SOD1: variants seen among roughly 807,000 people sequenced by gnomAD.
The protein encoded by SOD1 is superoxide dismutase [Cu-Zn].
Under a neutral mutation model 15.9 loss-of-function variants are expected in SOD1, and 8 were observed. That is an observed-to-expected ratio of 0.50 (90% CI 0.30 to 0.91). SOD1 has a LOEUF of 0.91. Among genes scored for constraint, SOD1 ranks in the 40% least tolerant of loss-of-function variants. SOD1 has a pLI of 0.07. For missense variants in SOD1, 137 were observed against 194.5 expected (o/e 0.70, Z 1.76); for synonymous variants, 86 against 71.2 (o/e 1.21, Z -1.04).
At chr21:31,660,148 C>T (rs1355654463) in intron 1 of SOD1, 1 of 158,148 alleles carries the variant, frequency 6.3e-6, no homozygotes, top group Non-Finnish European at 1.4e-5. Context: ...GTGCTGCCCT[C>T]TGTGGTCCTT....
intron 1 of SOD1, 93 bp from the exon 2 acceptor site, chr21:31,663,697 T>C: frequency 3.0e-6 from 3 of 1,000,394 alleles, no homozygotes; most frequent in Non-Finnish European, 4.7e-6. Context: ...CACTCCCAAG[T>C]CTGGCTGCTT....
At chr21:31,663,693 C>T (rs1317663204) in intron 1 of SOD1, 97 bp from the exon 2 acceptor site, 5 of 972,124 alleles carry the variant, frequency 5.1e-6, no homozygotes, top group South Asian at 2.6e-5. Flanking sequence ...TTTCCACTCC[C>T]AAGTCTGGCT....
chr21:31,662,520 C>G (rs1210740726), intron 1 of SOD1, among the ~76,000 whole-genome samples: 1 of 152,116 alleles, frequency 6.6e-6, no homozygotes, highest in Non-Finnish European at 1.5e-5. Context: ...TCCTTGATTT[C>G]TGTATGTAGC....
chr21:31,662,317 G>C (rs549208481), intron 1 of SOD1, among the ~76,000 whole-genome samples: 1 of 152,172 alleles, frequency 6.6e-6, no homozygotes, highest in African/African-American at 2.4e-5. Context: ...ATTTAAAAAG[G>C]CAGCAATTGC....
intron 1 of SOD1, among the ~76,000 whole-genome samples, chr21:31,662,135 C>T (rs187282815): frequency 6.6e-6 from 1 of 152,300 alleles, no homozygotes; most frequent in Admixed American, 6.5e-5. Flanking sequence ...CCGAGCACAG[C>T]TACTTAGATG....
At position 31,663,865 on chromosome 21, in the gene SOD1, GA is replaced by G. The variant is rs752237082; in HGVS notation, c.149del (p.Glu50GlyfsTer39). On this transcript the variant is annotated frameshift_variant, in exon 2 of 5. Coordinates refer to ENST00000270142, the MANE Select transcript of SOD1 (RefSeq NM_000454.5). LOFTEE classifies it high-confidence loss of function. ...AGGCCTGCATGGATTCCATGTTCATGAGTTTGGAGATAATACAGCAGGTGGG... is the reference window on the plus strand; with the variant it reads ...AGGCCTGCATGGATTCCATGTTCATGGTTTGGAGATAATACAGCAGGTGGG... Reference protein sequence around the residue: ...TEGLHGFHVHEFGDNTAGCTS... With the variant: ...TEGLHGFHVHXFGDNTAGCTS... 8 of 1,613,372 alleles carry G rather than the reference GA, an allele frequency of 5.0e-6. No homozygotes were observed. The Admixed American group carries it at 1.3e-4, about 27-fold the overall frequency.
chr21:31,666,765 C>T (rs1415170478), intron 3 of SOD1: 2 of 539,832 alleles, frequency 3.7e-6, no homozygotes, highest in Non-Finnish European at 6.6e-6. Context: ...AGAACTAATA[C>T]AAGTGCCAAA....
chr21:31,667,028 A>C (rs1371662876), intron 3 of SOD1: 3 of 580,574 alleles, frequency 5.2e-6, no homozygotes, highest in African/African-American at 1.9e-5. Context: ...GGCATAACTC[A>C]GTAACTGAGA....
At chr21:31,665,017 G>A (rs540767938) in intron 2 of SOD1, among the ~76,000 whole-genome samples, 14 of 152,268 alleles carry the variant, frequency 9.2e-5, no homozygotes, top group African/African-American at 3.1e-4. Flanking sequence ...GAGGGTGGGT[G>A]CCTCGAGCAA....
At chr21:31,664,596 A>G (rs1396336583) in intron 2 of SOD1, 2 of 153,272 alleles carry the variant, frequency 1.3e-5, no homozygotes, top group East Asian at 1.9e-4. Context: ...GTCTTACAGC[A>G]TCATTGTAGA....
chr21:31,668,360 TTAA>T (rs1299717602), intron 4 of SOD1, 108 bp from the exon 5 acceptor site: 8 of 765,088 alleles, frequency 1.0e-5, no homozygotes, highest in African/African-American at 5.2e-5. Flanking sequence ...TCTACTAGGA[TTAA>T]TGTTATTTTT....
chr21:31,661,406 C>G (rs1034054698), intron 1 of SOD1: 1 of 152,390 alleles, frequency 6.6e-6, no homozygotes, highest in Non-Finnish European at 1.5e-5. Context: ...CTCTGTCGCC[C>G]AGGCTGGAGT....
chr21:31,659,911 A>T (rs1311323089), intron 1 of SOD1, 70 bp downstream of exon 1: 1 of 1,529,928 alleles, frequency 6.5e-7, no homozygotes, highest in East Asian at 2.3e-5. Context: ...CACCTTTGCT[A>T]GGAGCGGGTC....
chr21:31,659,869 C>A, intron 1 of SOD1, 28 bp downstream of exon 1: 2 of 1,604,848 alleles, frequency 1.2e-6, no homozygotes, highest in Admixed American at 1.7e-5. Context: ...GGCTTGTTTG[C>A]GAGGCCGCTC....
At chr21:31,664,068 C>T (rs578251080) in intron 2 of SOD1, among the ~76,000 whole-genome samples, 182 bp downstream of exon 2, 2 of 152,208 alleles carry the variant, frequency 1.3e-5, no homozygotes, top group African/African-American at 4.8e-5. Flanking sequence ...CCTTGACCTC[C>T]CAGGCTCCAT....
chr21:31,665,161 T>G, intron 2 of SOD1, among the ~76,000 whole-genome samples: 1 of 152,286 alleles, frequency 6.6e-6, no homozygotes, highest in East Asian at 1.9e-4. Context: ...GGAATATGCT[T>G]AAAAAAAATT....
chr21:31,667,417 A>G (rs775049343), intron 4 of SOD1, 42 bp downstream of exon 4: 1 of 1,289,778 alleles, frequency 7.8e-7, no homozygotes, highest in Non-Finnish European at 1.1e-6. Context: ...TTCTTCTAAC[A>G]TACAGTCATG....
chr21:31,660,056 C>T (rs1205356463), intron 1 of SOD1: 4 of 263,940 alleles, frequency 1.5e-5, no homozygotes, highest in Non-Finnish European at 2.8e-5. Context: ...GGCGTGGGAC[C>T]GAGGCCGCCG....
At chr21:31,660,826 A>C (rs2049542748) in intron 1 of SOD1, 1 of 152,194 alleles carries the variant, frequency 6.6e-6, no homozygotes, top group South Asian at 2.1e-4. Flanking sequence ...GAAGACCTGG[A>C]GTTTCCATTA....
Sources: allele counts gnomAD v4.1 joint callset (sites outside exome capture counted in the v4.1 genomes callset), GRCh38; gene constraint gnomAD v4.1.1; transcripts MANE v1.5; gene names NCBI Gene and HGNC (gene_info 2026-07-23, HGNC 2026-07-21).